The following NALF1 variants were observed in gnomAD, a reference collection of about 807,000 sequenced individuals.
NALF1 encodes family with sequence similarity 155 member A.
In NALF1, 3 loss-of-function variants were observed where a neutral mutation model predicts 48.4. The ratio of observed to expected loss-of-function variants is 0.06; its 90% CI spans 0.03 to 0.16. The LOEUF is 0.16. NALF1 is among the 10% of genes least tolerant of loss of function. The probability of loss-of-function intolerance (pLI) is 1.00; values close to 1 mark genes in which losing one functional copy is unlikely to be tolerated. For missense variants in NALF1, 526 were observed against 571.5 expected, an observed-to-expected ratio of 0.92 and a Z score of 0.81; for synonymous variants, 262 against 245.7, an observed-to-expected ratio of 1.07 and a Z score of -0.62.
chr13:107,600,486 T>C (rs1878891346), intron 1 of NALF1, among the ~76,000 whole-genome samples: 1 of 136,400 alleles, frequency 7.3e-6, no homozygotes, highest in African/African-American at 2.7e-5. Flanking sequence ...AACTATGTTA[T>C]TTTAATAAGG....
intron 1 of NALF1, among the ~76,000 whole-genome samples, chr13:107,380,089 T>C (rs916479577): frequency 6.6e-6 from 1 of 152,208 alleles, no homozygotes; most frequent in African/African-American, 2.4e-5. Context: ...TTTTCTATGA[T>C]ACGGGAAAAG....
At chr13:107,331,675 C>T (rs1450576050) in intron 1 of NALF1, among the ~76,000 whole-genome samples, 8 of 151,792 alleles carry the variant, frequency 5.3e-5, no homozygotes, top group Non-Finnish European at 8.8e-5. Context: ...TACTTTATCA[C>T]GAAATAACAA....
intron 1 of NALF1, among the ~76,000 whole-genome samples, chr13:107,710,760 T>C (rs1875550187): frequency 1.6e-5 from 2 of 122,476 alleles, no homozygotes; most frequent in African/African-American, 2.9e-5. Context: ...TATATACATA[T>C]ATGTATACAC....
chr13:107,487,112 C>T (rs181181485), intron 1 of NALF1, among the ~76,000 whole-genome samples: 36 of 152,154 alleles, frequency 2.4e-4, no homozygotes, highest in African/African-American at 7.9e-4. Flanking sequence ...CCAGACCACC[C>T]GTGGGTGAGG....
At chr13:107,184,833 T>C (rs139353546) in intron 2 of NALF1, among the ~76,000 whole-genome samples, 184 of 152,338 alleles carry the variant, frequency 1.2e-3, no homozygotes, top group African/African-American at 4.3e-3. Context: ...TTTAATTTTC[T>C]GTGTTTTATA....
chr13:107,443,167 A>ACTGT (rs779296269), intron 1 of NALF1, among the ~76,000 whole-genome samples: 1 of 138,274 alleles, frequency 7.2e-6, no homozygotes, highest in East Asian at 2.1e-4. Context: ...TATTTATCTA[A>ACTGT]CAATCTATCT....
chr13:107,475,587 G>A (rs1349266439), intron 1 of NALF1, among the ~76,000 whole-genome samples: 1 of 152,110 alleles, frequency 6.6e-6, no homozygotes, highest in African/African-American at 2.4e-5. Flanking sequence ...TCTTGACCAA[G>A]TTGGAGATTT....
chr13:107,251,360 G>A (rs1471754665), intron 1 of NALF1, among the ~76,000 whole-genome samples: 6 of 152,204 alleles, frequency 3.9e-5, no homozygotes, highest in African/African-American at 1.4e-4. Flanking sequence ...AGAAGCCACA[G>A]ACTTAGCAGA....
At chr13:107,433,690 TC>T (rs1884419891) in intron 1 of NALF1, among the ~76,000 whole-genome samples, 1 of 152,140 alleles carries the variant, frequency 6.6e-6, no homozygotes, top group Non-Finnish European at 1.5e-5. Context: ...AAAAAAAACT[TC>T]TAATTTTGTG....
chr13:107,358,741 C>T (rs910171726), intron 1 of NALF1, among the ~76,000 whole-genome samples: 1 of 152,110 alleles, frequency 6.6e-6, no homozygotes, highest in African/African-American at 2.4e-5. Flanking sequence ...TCAACATTCT[C>T]CATGTGACAT....
chr13:107,866,604 G>T lies in NALF1; in HGVS notation c.-8C>A. The T allele has an allele frequency of 1.3e-6, 2 of 1,596,198 alleles. No individual in the cohort carries two copies. The highest frequency in any genetic ancestry group is 1.3e-5 in the African/African-American group (1 of 74,736). On this transcript the variant is annotated 5_prime_UTR_variant, in exon 1 of 3. Transcript: ENST00000375915. This position sits in a 1 kb window ranked among gnomAD's most constrained non-coding sequence, Gnocchi z 4.4. ...CCAAGCACCCCTGGTCATATTTTGGGAACGCACAGCCCTGGCCGACTCCAC... is the reference window on the plus strand; with the variant it reads ...CCAAGCACCCCTGGTCATATTTTGGTAACGCACAGCCCTGGCCGACTCCAC...
chr13:107,516,260 A>T (rs1876047686), intron 1 of NALF1, among the ~76,000 whole-genome samples: 1 of 152,204 alleles, frequency 6.6e-6, no homozygotes. Context: ...GCAGACGTGG[A>T]GAAAGAAAAA....
intron 1 of NALF1, among the ~76,000 whole-genome samples, chr13:107,470,608 G>T (rs1016870815): frequency 1.3e-5 from 2 of 152,084 alleles, no homozygotes; most frequent in African/African-American, 4.8e-5. Context: ...AATGTTTGTT[G>T]GAACATTATT....
intron 1 of NALF1, among the ~76,000 whole-genome samples, chr13:107,680,908 TGA>T (rs1265636598): frequency 1.3e-5 from 2 of 151,268 alleles, no homozygotes; most frequent in Non-Finnish European, 2.9e-5. Flanking sequence ...GTGAGTGGTG[TGA>T]GAGGGTGTAT....
chr13:107,226,019 T>C (rs1024222262), intron 1 of NALF1, among the ~76,000 whole-genome samples: 2 of 152,148 alleles, frequency 1.3e-5, no homozygotes, highest in Non-Finnish European at 2.9e-5. Context: ...CTAACTTTTT[T>C]TTAGAACTAT....
chr13:107,579,354 G>A (rs1401261273), intron 1 of NALF1, among the ~76,000 whole-genome samples: 11 of 152,202 alleles, frequency 7.2e-5, no homozygotes, highest in Non-Finnish European at 1.3e-4. Context: ...GCCTCCCAAA[G>A]TGCTGGGATT....
At chr13:107,198,769 C>T (rs925324790) in intron 2 of NALF1, among the ~76,000 whole-genome samples, 21 of 152,198 alleles carry the variant, frequency 1.4e-4, no homozygotes, top group South Asian at 6.2e-4. Context: ...TGGCTCCTTC[C>T]GGGGGGTTTT....
At chr13:107,354,718 C>T (rs1882932288) in intron 1 of NALF1, among the ~76,000 whole-genome samples, 1 of 152,102 alleles carries the variant, frequency 6.6e-6, no homozygotes, top group Non-Finnish European at 1.5e-5. Flanking sequence ...TGGAGGCTCC[C>T]AATTTGGACT....
chr13:107,652,599 C>T (rs1566430753), intron 1 of NALF1, among the ~76,000 whole-genome samples: 1 of 152,100 alleles, frequency 6.6e-6, no homozygotes, highest in Non-Finnish European at 1.5e-5. Flanking sequence ...TAAAATGAAT[C>T]CAATCCCATC....
Sources: allele counts gnomAD v4.1 joint callset (sites outside exome capture counted in the v4.1 genomes callset), GRCh38; gene constraint gnomAD v4.1.1; non-coding constraint Gnocchi (gnomAD v3.1); transcripts MANE v1.5; gene names NCBI Gene and HGNC (gene_info 2026-07-23, HGNC 2026-07-21).